CLDN18: variants seen among roughly 807,000 people sequenced by gnomAD.
CLDN18 encodes the protein claudin 18.
CLDN18 carries 20 observed loss-of-function variants against 25.0 expected under a neutral mutation model. The observed-to-expected ratio is 0.80, with a 90% CI of 0.56 to 1.16. CLDN18 has a LOEUF of 1.16. CLDN18 is among the 50% of genes most tolerant of loss of function. The probability of loss-of-function intolerance (pLI) is 0.00; values close to 1 mark genes in which losing one functional copy is unlikely to be tolerated. For missense variants in CLDN18, 297 were observed against 345.4 expected (o/e 0.86, Z 1.11); for synonymous variants, 125 against 135.6 (o/e 0.92, Z 0.54).
upstream of CLDN18, among the ~76,000 whole-genome samples, chr3:138,007,343 C>T (rs1394074361): frequency 6.6e-6 from 1 of 152,156 alleles, no homozygotes; most frequent in East Asian, 1.9e-4. Context: ...TACATATACA[C>T]CATAGAATAC....
rs73225480 is a variant in CLDN18, at chr3:138,001,147, C to T, written c.220+2059C>T. ...TGAGTAACTTGCCCAAGGACACTTG[C>T]AGATGTAGCCAGAGCTAAAACCCTG... is the stretch of plus-strand genomic sequence containing the variant. On this transcript the variant is annotated intron_variant, in intron 1 of 4. Coordinates refer to the CLDN18 transcript ENST00000343735. Among the ~76,000 whole-genome samples, 793 of 152,338 alleles carry T rather than the reference C, an allele frequency of 5.2e-3. 2 individuals are homozygous for T. Among genetic ancestry groups the T allele is most frequent in the Non-Finnish European group, 8.7e-3 (593 of 68,026 alleles).
chr3:138,007,452 T>C (rs1942080980), upstream of CLDN18, among the ~76,000 whole-genome samples: 1 of 149,382 alleles, frequency 6.7e-6, no homozygotes, highest in South Asian at 2.1e-4. Context: ...AACAGAAAAC[T>C]ATACACCACA....
intron 1 of CLDN18, among the ~76,000 whole-genome samples, chr3:138,017,339 A>AT (rs370080455): frequency 3.2e-4 from 49 of 151,504 alleles, no homozygotes; most frequent in South Asian, 1.0e-3. Context: ...GAGGGTCTTG[A>AT]TTTTTTTTTA....
chr3:138,029,878 C>T lies in CLDN18; in HGVS notation c.585C>T (p.Ala195=). 6.3e-7 allele frequency: 1 copy of T among 1,595,248 alleles called. No individual in the cohort carries two copies. The highest frequency in any genetic ancestry group is 8.5e-7 in the Non-Finnish European group (1 of 1,171,058). The change falls in exon 4 of 5, where the codon GCC becomes GCT. Residue 195 remains alanine (A), a synonymous_variant. Transcript: ENST00000183605. ...TTGGGGGTGTGATGATGTGCATCGC[C>T]TGCCGGGGCCTGGCACCAGAAGAAA... is the stretch of plus-strand genomic sequence containing the variant. ...TLIGGVMMCI[A]CRGLAPEETN...
intron 1 of CLDN18, among the ~76,000 whole-genome samples, chr3:138,021,040 T>C (rs1942264956): frequency 6.6e-6 from 1 of 152,198 alleles, no homozygotes; most frequent in Admixed American, 6.5e-5. Context: ...TCTTCAACCA[T>C]AAAATGGGTG....
intron 4 of CLDN18, 89 bp downstream of exon 4, chr3:138,029,996 C>A: frequency 1.3e-6 from 1 of 792,550 alleles, no homozygotes; most frequent in South Asian, 1.5e-5. Flanking sequence ...AAAAATCAGT[C>A]TAGGTATATG....
chr3:138,024,473 A>G, intron 2 of CLDN18, 134 bp from the exon 3 acceptor site: 2 of 664,080 alleles, frequency 3.0e-6, no homozygotes, highest in Non-Finnish European at 5.5e-6. Flanking sequence ...GCAAGAATTC[A>G]ATAATCAATG....
chr3:138,010,486 G>T (rs749967723), intron 1 of CLDN18, 41 bp downstream of exon 1: 2 of 1,610,314 alleles, frequency 1.2e-6, no homozygotes, highest in Non-Finnish European at 1.7e-6. Flanking sequence ...GGTGAACCAG[G>T]TGAGCAGGGA....
At chr3:138,026,239 C>T (rs761812389) in intron 3 of CLDN18, among the ~76,000 whole-genome samples, 1 of 152,222 alleles carries the variant, frequency 6.6e-6, no homozygotes, top group East Asian at 1.9e-4. Context: ...GTGGCAGAGC[C>T]TAAGCCCCTG....
intron 1 of CLDN18, chr3:137,999,150 C>T: frequency 6.9e-7 from 1 of 1,452,914 alleles, no homozygotes; most frequent in South Asian, 1.1e-5. Flanking sequence ...AAACTGCAGG[C>T]TCTGTCTGGG....
chr3:138,024,834 A>G, intron 3 of CLDN18, 110 bp downstream of exon 3: 4 of 629,446 alleles, frequency 6.4e-6, no homozygotes, highest in Non-Finnish European at 1.1e-5. Flanking sequence ...AGCAAAAATT[A>G]TCAGAGACAA....
At chr3:138,025,599 C>T (rs915514007) in intron 3 of CLDN18, among the ~76,000 whole-genome samples, 1 of 152,080 alleles carries the variant, frequency 6.6e-6, no homozygotes, top group Admixed American at 6.5e-5. Flanking sequence ...AACTCCAATC[C>T]CCATTCATTT....
upstream of CLDN18, chr3:138,005,241 TA>T (rs1305795320): frequency 6.6e-6 from 1 of 152,204 alleles, no homozygotes; most frequent in Non-Finnish European, 1.5e-5. Context: ...TGATGATGAA[TA>T]TTTTTTATTA....
chr3:138,012,957 A>T (rs1428357598), intron 1 of CLDN18, among the ~76,000 whole-genome samples: 1 of 152,138 alleles, frequency 6.6e-6, no homozygotes, highest in Non-Finnish European at 1.5e-5. Context: ...TAGCTTACTA[A>T]CTTGGTTATT....
At chr3:138,016,067 A>C (rs747074833) in intron 1 of CLDN18, among the ~76,000 whole-genome samples, 3 of 151,314 alleles carry the variant, frequency 2.0e-5, no homozygotes, top group Non-Finnish European at 4.4e-5. Flanking sequence ...CAGTGCCAGA[A>C]ATAAAAATAA....
chr3:138,006,429 C>CCAGG (rs1942070406), upstream of CLDN18, among the ~76,000 whole-genome samples: 2 of 152,118 alleles, frequency 1.3e-5, no homozygotes, highest in African/African-American at 4.8e-5. Context: ...AATGACACTG[C>CCAGG]CAGGGCCGTA....
chr3:138,004,234 T>G (rs975717191), intron 1 of CLDN18, among the ~76,000 whole-genome samples: 2 of 152,216 alleles, frequency 1.3e-5, no homozygotes, highest in East Asian at 3.8e-4. Flanking sequence ...AGTAGTAGTA[T>G]TATCTCCATT....
Position 137,999,838 on chromosome 3 carries a change from G to A in CLDN18, c.220+750G>A, listed in dbSNP as rs187682625. Among the ~76,000 whole-genome samples, 107 of 152,314 alleles carry A rather than the reference G, an allele frequency of 7.0e-4. 1 individual carries two copies. Among genetic ancestry groups the A allele is most frequent in the African/African-American group, 2.4e-3 (100 of 41,570 alleles). On this transcript the variant is annotated intron_variant, in intron 1 of 4. Coordinates refer to the CLDN18 transcript ENST00000343735. ...CTTAGTAGATTGGTCATTTTAACTA[G>A]AAGAAAAATTCAAGTCACAAGAGTA...
upstream of CLDN18, among the ~76,000 whole-genome samples, chr3:138,007,389 T>C (rs575427881): frequency 2.6e-5 from 4 of 152,344 alleles, no homozygotes; most frequent in Non-Finnish European, 5.9e-5. Flanking sequence ...TCATATCCTT[T>C]GCAGGAACAT....
Sources: gnomAD v4.1 joint callset for allele counts (sites outside exome capture counted in the v4.1 genomes callset) on GRCh38, gnomAD v4.1.1 for gene constraint, MANE v1.5 for transcripts, NCBI Gene and HGNC (gene_info 2026-07-23, HGNC 2026-07-21) for gene names.